Variants in CCDC148 observed in about 807,000 individuals in gnomAD.
CCDC148 encodes coiled-coil domain-containing protein 148.
Under a neutral mutation model 85.7 loss-of-function variants are expected in CCDC148, and 89 were observed. The observed-to-expected ratio is 1.04, with a 90% CI of 0.87 to 1.24. CCDC148 has a LOEUF of 1.24. CCDC148 is among the 50% of genes most tolerant of loss of function. CCDC148 has a pLI of 0.00. For missense variants in CCDC148, 692 were observed against 671.7 expected (o/e 1.03, Z -0.33); for synonymous variants, 230 against 213.9 (o/e 1.08, Z -0.66).
chr2:158,328,116 C>A (rs995503258), intron 7 of CCDC148, among the ~76,000 whole-genome samples: 1 of 152,028 alleles, frequency 6.6e-6, no homozygotes, highest in Admixed American at 6.6e-5. Flanking sequence ...CTGCACCCAA[C>A]AACTCGTCAT....
intron 7 of CCDC148, among the ~76,000 whole-genome samples, chr2:158,332,823 G>A (rs139638268): frequency 0.071 from 10,808 of 152,140 alleles, 535 homozygotes; most frequent in South Asian, 0.11. Flanking sequence ...TTTGCGTAGA[G>A]GTGTTTATAG....
chr2:158,339,649 G>A (rs1682570450), intron 5 of CCDC148, among the ~76,000 whole-genome samples: 1 of 152,110 alleles, frequency 6.6e-6, no homozygotes, highest in South Asian at 2.1e-4. Context: ...GGTGTGATAG[G>A]GAGTGACTGT....
intron 1 of CCDC148, among the ~76,000 whole-genome samples, chr2:158,388,130 G>A (rs893834347): frequency 6.6e-6 from 1 of 152,132 alleles, no homozygotes; most frequent in African/African-American, 2.4e-5. Context: ...TGCTATTATG[G>A]CTTAACAGTT....
intron 1 of CCDC148, among the ~76,000 whole-genome samples, chr2:158,434,763 A>C (rs545668931): frequency 3.2e-4 from 49 of 152,336 alleles, no homozygotes; most frequent in Non-Finnish European, 5.7e-4. Context: ...TAGAATAAAC[A>C]GTGCAGAGAG....
At chr2:158,455,331 C>A (rs973582514) in intron 1 of CCDC148, among the ~76,000 whole-genome samples, 1 of 152,038 alleles carries the variant, frequency 6.6e-6, no homozygotes. Flanking sequence ...TTTTGTTCCA[C>A]AGTCCTACCC....
At chr2:158,355,463 TG>T (rs1428661302) in intron 2 of CCDC148, among the ~76,000 whole-genome samples, 4 of 151,778 alleles carry the variant, frequency 2.6e-5, no homozygotes, top group Non-Finnish European at 5.9e-5. Context: ...AAATCATGAG[TG>T]AACTCCCATT....
intron 9 of CCDC148, among the ~76,000 whole-genome samples, chr2:158,296,979 C>T (rs983434520): frequency 3.9e-5 from 6 of 152,190 alleles, no homozygotes; most frequent in Non-Finnish European, 8.8e-5. Context: ...AATATTGTAT[C>T]CATGGTTAAC....
chr2:158,193,675 T>G (rs957407544), intron 11 of CCDC148, among the ~76,000 whole-genome samples: 5 of 152,110 alleles, frequency 3.3e-5, no homozygotes, highest in Non-Finnish European at 7.4e-5. Flanking sequence ...TTTTGAACTT[T>G]CCCTGTTCAA....
At chr2:158,220,231 G>A (rs371259255) in intron 11 of CCDC148, among the ~76,000 whole-genome samples, 3 of 152,188 alleles carry the variant, frequency 2.0e-5, no homozygotes, top group East Asian at 1.9e-4. Context: ...CCCAGCCTCC[G>A]TCACAGTAAA....
chr2:158,176,346 G>C (rs563882354), intron 13 of CCDC148, among the ~76,000 whole-genome samples, 175 bp downstream of exon 13: 1 of 152,036 alleles, frequency 6.6e-6, no homozygotes, highest in Admixed American at 6.6e-5. Context: ...TAACTAGTTT[G>C]TAATATTAAG....
At chr2:158,286,478 A>G (rs530404132) in intron 9 of CCDC148, among the ~76,000 whole-genome samples, 5 of 152,350 alleles carry the variant, frequency 3.3e-5, no homozygotes, top group African/African-American at 1.2e-4. Flanking sequence ...ACAACCCTCA[A>G]TAGGACTTCT....
At chr2:158,278,769 G>A (rs534274271) in intron 9 of CCDC148, among the ~76,000 whole-genome samples, 17 of 152,384 alleles carry the variant, frequency 1.1e-4, no homozygotes, top group Admixed American at 5.9e-4. Flanking sequence ...GCTTTGAAGA[G>A]AGCAGTGGTT....
chr2:158,228,471 G>A (rs1263756076), intron 10 of CCDC148, among the ~76,000 whole-genome samples: 4 of 152,060 alleles, frequency 2.6e-5, no homozygotes, highest in Non-Finnish European at 4.4e-5. Flanking sequence ...TACACCCAAA[G>A]GATTATAAAT....
At chr2:158,338,059 C>A (rs1333457020) in intron 7 of CCDC148, among the ~76,000 whole-genome samples, 1 of 152,012 alleles carries the variant, frequency 6.6e-6, no homozygotes, top group African/African-American at 2.4e-5. Context: ...TACAAAATGT[C>A]CCCTAGATGC....
intron 7 of CCDC148, among the ~76,000 whole-genome samples, chr2:158,328,511 T>A (rs145874131): frequency 5.3e-5 from 8 of 152,052 alleles, no homozygotes; most frequent in South Asian, 2.1e-4. Flanking sequence ...TGATTTATAA[T>A]CCTTTGGGTA....
intron 10 of CCDC148, among the ~76,000 whole-genome samples, chr2:158,226,007 A>T (rs1051048146): frequency 7.2e-5 from 11 of 152,372 alleles, no homozygotes; most frequent in African/African-American, 2.4e-4. Context: ...AAAATCAATG[A>T]ATCTAGGAAC....
chr2:158,382,108 C>T lies in CCDC148; in HGVS notation c.26-23538G>A, dbSNP rs991063606. On this transcript the variant is annotated intron_variant, in intron 1 of 13. Coordinates refer to ENST00000283233, the MANE Select transcript of CCDC148 (RefSeq NM_138803.4). ...TGAAGACAGAGCAACAAGGGCCCAT[C>T]TTTGAGGCAGAGAACAAGTCCTCAT... Among the ~76,000 whole-genome samples, 8 of 152,264 alleles carry T rather than the reference C, an allele frequency of 5.3e-5. No homozygotes were observed. In the South Asian group the frequency reaches 1.7e-3, roughly 32 times the overall value.
intron 1 of CCDC148, chr2:158,380,976 T>C (rs1684846132): frequency 6.6e-6 from 1 of 152,166 alleles, no homozygotes; most frequent in Non-Finnish European, 1.5e-5. Flanking sequence ...AATCCAGATG[T>C]ACTGCAGATC....
intron 9 of CCDC148, among the ~76,000 whole-genome samples, chr2:158,302,608 A>G (rs967170700): frequency 6.6e-6 from 1 of 152,062 alleles, no homozygotes; most frequent in Admixed American, 6.6e-5. Context: ...ACATGGTGAA[A>G]CGCTGCCTCT....
Sources: allele counts gnomAD v4.1 joint callset (sites outside exome capture counted in the v4.1 genomes callset), GRCh38; gene constraint gnomAD v4.1.1; transcripts MANE v1.5; gene names NCBI Gene and HGNC (gene_info 2026-07-23, HGNC 2026-07-21).